AGBL3: variants seen among roughly 807,000 people sequenced by gnomAD.
AGBL3 encodes the protein cytosolic carboxypeptidase 3.
In AGBL3, 68 loss-of-function variants were observed where a neutral mutation model predicts 94.5. The observed-to-expected ratio is 0.72, with a 90% CI of 0.59 to 0.88. The LOEUF is 0.88. Ranked by LOEUF, AGBL3 falls within the 40% of genes least tolerant of loss-of-function variation. The pLI is 0.00. For missense variants in AGBL3, 934 were observed against 1,103.8 expected (o/e 0.85, Z 2.18); for synonymous variants, 354 against 370.7 (o/e 0.95, Z 0.52).
At chr7:135,062,671 A>G (rs1473673230) in intron 12 of AGBL3, among the ~76,000 whole-genome samples, 1 of 152,082 alleles carries the variant, frequency 6.6e-6, no homozygotes. Context: ...ACATTTATCA[A>G]TTTGCATATG....
intron 16 of AGBL3, among the ~76,000 whole-genome samples, chr7:135,124,552 T>TAGAC (rs2117272366): frequency 6.6e-6 from 1 of 152,364 alleles, no homozygotes; most frequent in South Asian, 2.1e-4. Flanking sequence ...GTGGATCTAA[T>TAGAC]AGACATCTAC....
chr7:135,007,141 C>A (rs907517589), intron 4 of AGBL3, among the ~76,000 whole-genome samples: 1 of 151,778 alleles, frequency 6.6e-6, no homozygotes, highest in African/African-American at 2.4e-5. Context: ...CCTAATTCTT[C>A]AAAAACTCTT....
At chr7:135,116,237 T>C (rs1227797964) in intron 16 of AGBL3, among the ~76,000 whole-genome samples, 1 of 152,204 alleles carries the variant, frequency 6.6e-6, no homozygotes. Context: ...GGTTAAATAA[T>C]TTGTCCAAAG....
chr7:135,022,138 G>T (rs567477957), intron 5 of AGBL3, among the ~76,000 whole-genome samples: 7 of 152,260 alleles, frequency 4.6e-5, no homozygotes, highest in African/African-American at 1.7e-4. Flanking sequence ...ACATGTGCAC[G>T]TATCTTTACA....
At position 135,038,350 on chromosome 7, in the gene AGBL3, C is replaced by T. The variant is rs758069468; in HGVS notation, c.1500+770C>T. ...TTTGTTCGCCAAAGAGGATTCATTT[C>T]CTCAGCAAGAAAGACGGGAAAACCC... is the stretch of plus-strand genomic sequence containing the variant. On this transcript the variant is annotated intron_variant, in intron 8 of 16. Transcript: ENST00000436302. Among the ~76,000 whole-genome samples the T allele has an allele frequency of 2.9e-4, 44 of 152,194 alleles. 1 individual carries two copies. The highest frequency in any genetic ancestry group is 2.2e-4 in the Non-Finnish European group (15 of 68,038).
intron 16 of AGBL3, among the ~76,000 whole-genome samples, chr7:135,132,042 C>G (rs1828847509): frequency 6.6e-6 from 1 of 151,726 alleles, no homozygotes; most frequent in Admixed American, 6.6e-5. Flanking sequence ...ATTTTAAAAC[C>G]CTAAAAAAGA....
At chr7:135,128,644 T>G (rs1272484983) in intron 16 of AGBL3, 9 of 907,670 alleles carry the variant, frequency 9.9e-6, no homozygotes, top group Admixed American at 7.2e-5. Context: ...TTTGCCTGGA[T>G]GCAATTTCTT....
chr7:134,991,320 A>G (rs1810239113), intron 3 of AGBL3, among the ~76,000 whole-genome samples: 1 of 151,900 alleles, frequency 6.6e-6, no homozygotes, highest in Admixed American at 6.6e-5. Flanking sequence ...ATTAGGAGAT[A>G]CCTTTCTCTG....
intron 15 of AGBL3, among the ~76,000 whole-genome samples, chr7:135,105,834 T>C (rs1824626711): frequency 6.6e-6 from 1 of 152,256 alleles, no homozygotes; most frequent in African/African-American, 2.4e-5. Context: ...TTGGACAATA[T>C]GACCATTTTA....
intron 4 of AGBL3, among the ~76,000 whole-genome samples, chr7:135,000,508 G>A (rs1242580455): frequency 1.3e-5 from 2 of 152,148 alleles, no homozygotes; most frequent in Non-Finnish European, 2.9e-5. Flanking sequence ...CAGGCTTTTG[G>A]ACTTGGACTG....
intron 7 of AGBL3, among the ~76,000 whole-genome samples, chr7:135,035,238 A>G (rs1816186032): frequency 1.3e-5 from 2 of 152,020 alleles, no homozygotes; most frequent in African/African-American, 4.8e-5. Flanking sequence ...AGATAATGGT[A>G]GCACTGATGT....
chr7:135,081,407 A>G (rs1820914460), intron 14 of AGBL3, among the ~76,000 whole-genome samples: 2 of 152,128 alleles, frequency 1.3e-5, no homozygotes, highest in South Asian at 4.1e-4. Flanking sequence ...CCAGTGTTAA[A>G]CTTACATTTT....
intron 15 of AGBL3, among the ~76,000 whole-genome samples, chr7:135,109,349 G>A (rs1200284334): frequency 1.3e-5 from 2 of 152,202 alleles, no homozygotes; most frequent in Non-Finnish European, 2.9e-5. Flanking sequence ...CTCTCCCACT[G>A]AGAGCTCTGT....
chr7:135,056,851 C>G (rs961598784), intron 11 of AGBL3, among the ~76,000 whole-genome samples: 1 of 151,948 alleles, frequency 6.6e-6, no homozygotes, highest in Non-Finnish European at 1.5e-5. Context: ...AATCAAAATC[C>G]CAGAAAGTTA....
chr7:135,038,592 G>A (rs1351309593), intron 8 of AGBL3, among the ~76,000 whole-genome samples: 2 of 152,234 alleles, frequency 1.3e-5, no homozygotes, highest in Non-Finnish European at 2.9e-5. Flanking sequence ...GCTTAAACAG[G>A]CCTTCCACAT....
At chr7:135,045,626 T>C in intron 10 of AGBL3, 52 bp downstream of exon 10, 1 of 1,478,168 alleles carries the variant, frequency 6.8e-7, no homozygotes. Flanking sequence ...TCAGATAACA[T>C]AAGCTGACTA....
In AGBL3 at chr7:135,043,978, T is replaced by C. The variant is rs1001422910; in HGVS notation, c.1501-47T>C. 4 of 1,524,904 alleles carry C rather than the reference T, an allele frequency of 2.6e-6. No homozygotes were observed. In the African/African-American group the frequency reaches 5.6e-5, roughly 21 times the overall value. 94.5% of individuals were successfully genotyped at this position (1,524,904 alleles called of 1,614,324 possible). A position where few individuals can be genotyped will look rare whatever the true frequency, so the allele number is the denominator to read the frequency against. On this transcript the variant is annotated intron_variant, in intron 8 of 16. Transcript: ENST00000436302. ...TTTTAATACTACTTTCAAAAAAAGA[T>C]ATCGGTACCAGAACAACGAGTCTCA...
At chr7:135,014,197 G>GAAAA (rs58580550) in intron 4 of AGBL3, among the ~76,000 whole-genome samples, 1 of 65,528 alleles carries the variant, frequency 1.5e-5, no homozygotes, top group African/African-American at 6.2e-5. Flanking sequence ...CTCTGTCTCT[G>GAAAA]AAAAAAAAAA....
At position 135,129,484 on chromosome 7, in the gene AGBL3, G is replaced by A. The variant is rs1585288162; in HGVS notation, c.2343-5357G>A. The A allele has an allele frequency of 6.0e-5, 46 of 773,038 alleles. 1 individual carries two copies. The South Asian group carries it at 6.2e-4, about 10-fold the overall frequency. 47.9% of individuals were successfully genotyped at this position (773,038 alleles called of 1,614,324 possible). On this transcript the variant is annotated intron_variant, in intron 16 of 16. Coordinates refer to ENST00000436302, the MANE Select transcript of AGBL3 (RefSeq NM_178563.4). ...GAGAAAAACTTCAAGAACTGACCATGTTGTGGAACTCCCATAGAGAAATTA... is the reference window on the plus strand; with the variant it reads ...GAGAAAAACTTCAAGAACTGACCATATTGTGGAACTCCCATAGAGAAATTA...
Sources: gnomAD v4.1 joint callset for allele counts (sites outside exome capture counted in the v4.1 genomes callset) on GRCh38, gnomAD v4.1.1 for gene constraint, MANE v1.5 for transcripts, NCBI Gene and HGNC (gene_info 2026-07-23, HGNC 2026-07-21) for gene names.